Variants in RPS6KA2 observed in about 807,000 individuals in gnomAD.
The protein encoded by RPS6KA2 is ribosomal protein S6 kinase A2.
RPS6KA2 carries 42 observed loss-of-function variants against 91.8 expected under a neutral mutation model. The observed-to-expected ratio is 0.46, with a 90% CI of 0.36 to 0.59. The LOEUF (loss-of-function observed/expected upper bound fraction) is 0.59, where lower values mean the gene tolerates loss of function less well. Among genes scored for constraint, RPS6KA2 ranks in the 20% least tolerant of loss-of-function variants. The pLI is 0.00. For missense variants in RPS6KA2, 798 were observed against 978.5 expected, an observed-to-expected ratio of 0.82 and a Z score of 2.46; for synonymous variants, 414 against 393.6, an observed-to-expected ratio of 1.05 and a Z score of -0.61.
chr6:166,531,317 A>AG lies in RPS6KA2; in HGVS notation c.217-5dup. ...TCACCTTCCTCACCAGGAACACCTT[A>AG]GCAAGAGAAAACGGAACATCAGAAA... is the stretch of plus-strand genomic sequence containing the variant. On this transcript the variant is annotated splice_region_variant and splice_polypyrimidine_tract_variant and intron_variant, in intron 2 of 20. Coordinates refer to ENST00000265678, the MANE Select transcript of RPS6KA2 (RefSeq NM_021135.6). 1 of 1,612,736 alleles carries AG rather than the reference A, an allele frequency of 6.2e-7. No individual in the cohort carries two copies. The highest frequency in any genetic ancestry group is 2.2e-5 in the East Asian group (1 of 44,886).
intron 2 of RPS6KA2, among the ~76,000 whole-genome samples, chr6:166,532,920 C>T (rs1191138587): frequency 6.6e-6 from 1 of 152,092 alleles, no homozygotes; most frequent in East Asian, 1.9e-4. Flanking sequence ...ATAGCTGGGG[C>T]ATCACCCTTA....
chr6:166,442,730 T>C (rs1779559223), intron 14 of RPS6KA2, among the ~76,000 whole-genome samples: 1 of 152,224 alleles, frequency 6.6e-6, no homozygotes, highest in South Asian at 2.1e-4. Flanking sequence ...TGATGTAATG[T>C]AGTTTTATGC....
At chr6:166,682,975 CATGA>C (rs369477329) in intron 2 of RPS6KA2, among the ~76,000 whole-genome samples, 6 of 152,296 alleles carry the variant, frequency 3.9e-5, no homozygotes, top group African/African-American at 1.4e-4. Context: ...TAAGTGAAGG[CATGA>C]ATGAAGAAAT....
chr6:166,650,739 C>G (rs58803664), intron 2 of RPS6KA2, among the ~76,000 whole-genome samples: 17,191 of 152,222 alleles, frequency 0.11, 1,048 homozygotes, highest in South Asian at 0.17. Context: ...TCACTTGGTT[C>G]TCTCTCTGTC....
chr6:166,803,918 T>C (rs1779428429), intron 2 of RPS6KA2, among the ~76,000 whole-genome samples: 1 of 152,230 alleles, frequency 6.6e-6, no homozygotes, highest in African/African-American at 2.4e-5. Context: ...TGTAATGTTG[T>C]TATGAAATGC....
chr6:166,749,752 C>T (rs1268639156), intron 2 of RPS6KA2, among the ~76,000 whole-genome samples: 1 of 132,012 alleles, frequency 7.6e-6, no homozygotes, highest in Non-Finnish European at 1.6e-5. Flanking sequence ...CTTCCTCAGG[C>T]CCCCATCTCC....
intron 2 of RPS6KA2, among the ~76,000 whole-genome samples, chr6:166,712,379 GT>G (rs1053170891): frequency 5.9e-5 from 9 of 152,210 alleles, no homozygotes; most frequent in African/African-American, 1.9e-4. Context: ...AGTACAGATG[GT>G]TTTTTTCTTG....
At chr6:166,450,452 C>T (rs1162906620) in intron 13 of RPS6KA2, among the ~76,000 whole-genome samples, 11 of 149,382 alleles carry the variant, frequency 7.4e-5, no homozygotes, top group African/African-American at 2.5e-4. Flanking sequence ...CAGGAACCAC[C>T]ATGAGGACCA....
rs993062255 is a variant in RPS6KA2 at position 166,770,394 on chromosome 6, G to A, written c.123+87806C>T. ...ACGCACTAGAGTCTGGAGGCTGGTC[G>A]GCCACCAGCCTGCAAACCTCGAGGG... On this transcript the variant is annotated intron_variant, in intron 2 of 21. Transcript: ENST00000503859. The surrounding 1 kb of genome is among the most constrained non-coding windows in gnomAD (Gnocchi z 5.1). 9.2e-5 allele frequency among the ~76,000 whole-genome samples: 14 copies of A among 152,234 alleles called. No individual in the cohort carries two copies. Among genetic ancestry groups the A allele is most frequent in the South Asian group, 2.1e-4 (1 of 4,810 alleles).
At chr6:166,474,897 C>T (rs529954750) in intron 10 of RPS6KA2, among the ~76,000 whole-genome samples, 1 of 152,220 alleles carries the variant, frequency 6.6e-6, no homozygotes, top group African/African-American at 2.4e-5. Flanking sequence ...TCCTGCTGAG[C>T]CTGTTCCTGC....
chr6:166,842,151 G>A (rs958536397), intron 2 of RPS6KA2, among the ~76,000 whole-genome samples: 1 of 152,172 alleles, frequency 6.6e-6, no homozygotes, highest in Non-Finnish European at 1.5e-5. Flanking sequence ...CTGAGACCCT[G>A]ACCCACAACG....
chr6:166,678,096 C>T lies in RPS6KA2; in HGVS notation c.124-139312G>A, dbSNP rs965847818. The stretch of plus-strand genomic sequence containing the variant: ...AAAGCTGGTTTCCGGTATGGATCCA[C>T]ACCTGTGCTGTGTTCATACCAACAG... On this transcript the variant is annotated intron_variant, in intron 2 of 21. Transcript: ENST00000503859. 4.6e-5 allele frequency among the ~76,000 whole-genome samples: 7 copies of T among 152,200 alleles called. No individual in the cohort carries two copies. The South Asian group carries it at 6.2e-4, about 14-fold the overall frequency.
rs144842471 is a variant in RPS6KA2 at position 166,717,533 on chromosome 6, G to A, written c.123+140667C>T. Among the ~76,000 whole-genome samples, 7 of 152,332 alleles carry A rather than the reference G, an allele frequency of 4.6e-5. 1 individual carries two copies. In the East Asian group the frequency reaches 1.4e-3, roughly 29 times the overall value. On this transcript the variant is annotated intron_variant, in intron 2 of 21. Coordinates refer to the RPS6KA2 transcript ENST00000503859. ...GGAGAGCTGGGGTTCCAAGGAAACT[G>A]GGATGTTAACAGGGAAGAGCTCAGC...
chr6:166,626,926 G>C lies in RPS6KA2; in HGVS notation c.94C>G (p.Leu32Val). ...CCCGAGGGCGGCCGCATTACCTCGA[G>C]CCGGCTCAGGCTGGAGCTCTTGGAG... ...SRSKSSSLSRLEEEGVVKEID... is the reference protein window; with the variant it reads ...SRSKSSSLSRVEEEGVVKEID... Residue 32 changes from leucine to valine, a missense_variant, in exon 1 of 21, where the codon CTC becomes GTC. Physicochemically the swap from Leu to Val is conservative, Grantham distance 32. Transcript: ENST00000265678. This position sits in a 1 kb window ranked among gnomAD's most constrained non-coding sequence, Gnocchi z 4.1. 2.0e-6 allele frequency: 3 copies of C among 1,531,962 alleles called. No homozygotes were observed. The highest frequency in any genetic ancestry group is 2.6e-6 in the Non-Finnish European group (3 of 1,136,918). 94.9% of individuals were successfully genotyped at this position (1,531,962 alleles called of 1,614,324 possible). A position where few individuals can be genotyped will look rare whatever the true frequency, so the allele number is the denominator to read the frequency against.
chr6:166,631,496 C>G (rs776441274), upstream of RPS6KA2, among the ~76,000 whole-genome samples: 1 of 152,244 alleles, frequency 6.6e-6, no homozygotes, highest in Admixed American at 6.5e-5. Context: ...CCCGCCAGCC[C>G]GCTGTGAGGA....
intron 2 of RPS6KA2, among the ~76,000 whole-genome samples, chr6:166,693,384 T>C (rs550191120): frequency 5.9e-5 from 9 of 152,352 alleles, no homozygotes; most frequent in African/African-American, 2.2e-4. Context: ...ATTCTATTTT[T>C]GTAAGTTTAA....
At chr6:166,772,980 C>T (rs1778517276) in intron 2 of RPS6KA2, among the ~76,000 whole-genome samples, 1 of 152,168 alleles carries the variant, frequency 6.6e-6, no homozygotes, top group Non-Finnish European at 1.5e-5. Context: ...GCCACGCTAT[C>T]CCTCCCACCT....
intron 10 of RPS6KA2, among the ~76,000 whole-genome samples, chr6:166,473,902 C>G (rs376688696): frequency 6.7e-5 from 10 of 149,526 alleles, no homozygotes; most frequent in African/African-American, 2.2e-4. Context: ...TCAATTTCTT[C>G]ATCACTTAAA....
Position 166,643,186 on chromosome 6 carries a change from A to C in RPS6KA2, c.124-104402T>G, listed in dbSNP as rs545475564. The stretch of plus-strand genomic sequence containing the variant: ...ATTATTGGGCTAATTAGTAGTTTGT[A>C]AGTGAGGCAAAATAAAATCCTAGAC... On this transcript the variant is annotated intron_variant, in intron 2 of 21. Coordinates refer to the RPS6KA2 transcript ENST00000503859. 2.0e-5 allele frequency among the ~76,000 whole-genome samples: 3 copies of C among 152,342 alleles called. No individual in the cohort carries two copies. The East Asian group carries it at 5.8e-4, about 29-fold the overall frequency.
Sources: gnomAD v4.1 joint callset for allele counts (sites outside exome capture counted in the v4.1 genomes callset) on GRCh38, gnomAD v4.1.1 for gene constraint, Gnocchi (gnomAD v3.1) non-coding constraint, MANE v1.5 for transcripts, NCBI Gene and HGNC (gene_info 2026-07-23, HGNC 2026-07-21) for gene names.